Variants in SOX5 observed in about 807,000 individuals in gnomAD.
SOX5 encodes transcription factor SOX-5.
A neutral mutation model predicts 92.0 loss-of-function variants in SOX5; 9 were observed. The ratio of observed to expected loss-of-function variants is 0.10; its 90% CI spans 0.06 to 0.17. The LOEUF is 0.17. Ranked by LOEUF, SOX5 falls within the 10% of genes least tolerant of loss-of-function variation. SOX5 has a pLI of 1.00. For synonymous variants in SOX5, 344 were observed against 336.3 expected, an observed-to-expected ratio of 1.02 and a Z score of -0.25; for missense variants, 642 against 944.5, an observed-to-expected ratio of 0.68 and a Z score of 4.20.
chr12:23,978,168 T>C (rs1186146600), intron 4 of SOX5, among the ~76,000 whole-genome samples: 3 of 152,108 alleles, frequency 2.0e-5, no homozygotes, highest in Non-Finnish European at 2.9e-5. Flanking sequence ...CACTGCAAAA[T>C]TTGCCTGGTA....
chr12:24,504,555 A>T (rs1474114290), intron 1 of SOX5, among the ~76,000 whole-genome samples: 1 of 152,198 alleles, frequency 6.6e-6, no homozygotes, highest in Non-Finnish European at 1.5e-5. Context: ...TGACAATTCT[A>T]AAAATTAAAA....
At chr12:24,345,175 G>A (rs565294626) in intron 2 of SOX5, among the ~76,000 whole-genome samples, 1 of 152,238 alleles carries the variant, frequency 6.6e-6, no homozygotes, top group Admixed American at 6.5e-5. Flanking sequence ...ATTAGACATG[G>A]AAAACAAAAT....
At chr12:23,641,406 AG>A in intron 7 of SOX5, among the ~76,000 whole-genome samples, 1 of 152,370 alleles carries the variant, frequency 6.6e-6, no homozygotes, top group African/African-American at 2.4e-5. Context: ...TTAACAACGA[AG>A]AAAACATTTT....
At chr12:24,075,913 C>T (rs1942523712) in intron 4 of SOX5, among the ~76,000 whole-genome samples, 1 of 152,066 alleles carries the variant, frequency 6.6e-6, no homozygotes, top group Admixed American at 6.6e-5. Context: ...TGATTCCCAC[C>T]AAAGAGAAAT....
chr12:23,919,693 T>G (rs2097460839), intron 1 of SOX5, among the ~76,000 whole-genome samples: 1 of 152,136 alleles, frequency 6.6e-6, no homozygotes, highest in African/African-American at 2.4e-5. Flanking sequence ...GTGAAGTGAT[T>G]TGCCTGAAGT....
intron 3 of SOX5, among the ~76,000 whole-genome samples, chr12:23,769,582 ATC>A (rs2141491135): frequency 6.6e-6 from 1 of 152,310 alleles, no homozygotes; most frequent in Non-Finnish European, 1.5e-5. Flanking sequence ...TAAGGGAGAC[ATC>A]TGTTTGTCAT....
At chr12:24,385,673 GCAGCCGGGCATGGTGGCT>G (rs1958313757) in intron 1 of SOX5, among the ~76,000 whole-genome samples, 1 of 146,930 alleles carries the variant, frequency 6.8e-6, no homozygotes, top group South Asian at 2.1e-4. Flanking sequence ...GATTTATATG[GCAGCCGGGCATGGTGGCT>G]CATGCCTAGG....
intron 3 of SOX5, among the ~76,000 whole-genome samples, chr12:24,261,672 G>A (rs1274095005): frequency 6.6e-6 from 1 of 152,194 alleles, no homozygotes; most frequent in Non-Finnish European, 1.5e-5. Context: ...AGACTTATGT[G>A]TCGCTACTGC....
intron 2 of SOX5, among the ~76,000 whole-genome samples, chr12:23,856,500 A>G (rs2096691211): frequency 6.6e-6 from 1 of 152,158 alleles, no homozygotes; most frequent in South Asian, 2.1e-4. Context: ...GCTATTTAAC[A>G]TATGATGAAA....
At chr12:24,342,193 ACT>A (rs975167624) in intron 2 of SOX5, among the ~76,000 whole-genome samples, 2 of 152,020 alleles carry the variant, frequency 1.3e-5, no homozygotes, top group African/African-American at 4.8e-5. Flanking sequence ...CAGCCCATAA[ACT>A]CTGTCTGACT....
chr12:24,175,702 T>C (rs1442508874), intron 4 of SOX5, among the ~76,000 whole-genome samples: 1 of 152,244 alleles, frequency 6.6e-6, no homozygotes, highest in Non-Finnish European at 1.5e-5. Context: ...CAGTGGGCTC[T>C]ACACAAAGAC....
intron 3 of SOX5, among the ~76,000 whole-genome samples, chr12:23,788,362 G>A (rs571669045): frequency 1.1e-3 from 173 of 151,888 alleles, no homozygotes; most frequent in Non-Finnish European, 1.8e-3. Context: ...CAGTCGCACA[G>A]AAACAAGCTT....
At chr12:24,475,993 T>A (rs1474878014) in intron 1 of SOX5, among the ~76,000 whole-genome samples, 13 of 86,118 alleles carry the variant, frequency 1.5e-4, no homozygotes, top group South Asian at 3.8e-4. Flanking sequence ...GAAATACATT[T>A]AAAAAAAAAA....
At chr12:24,105,583 G>T (rs966609438) in intron 4 of SOX5, among the ~76,000 whole-genome samples, 10 of 152,026 alleles carry the variant, frequency 6.6e-5, no homozygotes, top group Non-Finnish European at 1.0e-4. Flanking sequence ...AACCCATTTT[G>T]CTTTTCAGGA....
chr12:23,881,659 A>C (rs2096991307), intron 2 of SOX5, among the ~76,000 whole-genome samples: 1 of 152,224 alleles, frequency 6.6e-6, no homozygotes, highest in African/African-American at 2.4e-5. Flanking sequence ...TTCTCTTACT[A>C]AGTAAGTTCT....
chr12:24,260,755 T>C (rs946352083), intron 3 of SOX5, among the ~76,000 whole-genome samples: 3 of 152,210 alleles, frequency 2.0e-5, no homozygotes, highest in African/African-American at 7.2e-5. Flanking sequence ...AAATTCTAAG[T>C]GATTAACAGT....
chr12:23,917,885 A>ATTATAATG (rs2097434408), intron 1 of SOX5, among the ~76,000 whole-genome samples: 1 of 152,198 alleles, frequency 6.6e-6, no homozygotes, highest in Non-Finnish European at 1.5e-5. Context: ...GGAAATGGAA[A>ATTATAATG]TTATAATGGT....
intron 3 of SOX5, among the ~76,000 whole-genome samples, chr12:23,837,182 T>C (rs1228357162): frequency 7.3e-6 from 1 of 137,610 alleles, no homozygotes; most frequent in Non-Finnish European, 1.5e-5. Flanking sequence ...TACATCTCCA[T>C]ATATACATGT....
intron 3 of SOX5, among the ~76,000 whole-genome samples, chr12:24,240,513 A>G (rs1261136463): frequency 6.6e-6 from 1 of 152,222 alleles, no homozygotes; most frequent in African/African-American, 2.4e-5. Flanking sequence ...AAATTCTTAA[A>G]CATGTACAAG....
Sources: gnomAD v4.1 joint callset for allele counts (sites outside exome capture counted in the v4.1 genomes callset) on GRCh38, gnomAD v4.1.1 for gene constraint, MANE v1.5 for transcripts, NCBI Gene and HGNC (gene_info 2026-07-23, HGNC 2026-07-21) for gene names.